LYPD6: variants seen among roughly 807,000 people sequenced by gnomAD.
The protein encoded by LYPD6 is ly6/PLAUR domain-containing protein 6.
LYPD6 carries 15 observed loss-of-function variants against 22.7 expected under a neutral mutation model. The ratio of observed to expected loss-of-function variants is 0.66; its 90% confidence interval spans 0.44 to 1.02. The LOEUF (loss-of-function observed/expected upper bound fraction) is 1.02. Among genes scored for constraint, LYPD6 ranks in the 50% least tolerant of loss-of-function variants. LYPD6 has a pLI of 0.00. For missense variants in LYPD6, 189 were observed against 208.4 expected, an observed-to-expected ratio of 0.91 and a Z score of 0.57; for synonymous variants, 72 against 77.5, an observed-to-expected ratio of 0.93 and a Z score of 0.37.
chr2:149,399,388 G>A (rs1350577298), intron 1 of LYPD6, among the ~76,000 whole-genome samples: 1 of 152,064 alleles, frequency 6.6e-6, no homozygotes, highest in Admixed American at 6.5e-5. Context: ...GGTATTTAAT[G>A]TCATAATAAA....
At chr2:149,481,119 C>T in the LYPD6 span, among the ~76,000 whole-genome samples, 1 of 152,136 alleles carries the variant, frequency 6.6e-6, no homozygotes, top group East Asian at 1.9e-4. Context: ...ATACATATTC[C>T]CAGCATGGAG....
intron 1 of LYPD6, among the ~76,000 whole-genome samples, chr2:149,432,087 A>C (rs534827240): frequency 6.6e-6 from 1 of 152,268 alleles, no homozygotes; most frequent in South Asian, 2.1e-4. Flanking sequence ...GATGGCTATA[A>C]TTTTTTTAAA....
intron 1 of LYPD6, among the ~76,000 whole-genome samples, chr2:149,395,095 A>C: frequency 6.6e-6 from 1 of 150,392 alleles, no homozygotes; most frequent in African/African-American, 2.5e-5. Flanking sequence ...GAGGTGGGAG[A>C]CCAACCATTT....
At chr2:149,415,030 C>G (rs1468720262) in intron 1 of LYPD6, among the ~76,000 whole-genome samples, 1 of 152,220 alleles carries the variant, frequency 6.6e-6, no homozygotes, top group East Asian at 1.9e-4. Context: ...GCAGAGCTAA[C>G]CTCACTAGCC....
At chr2:149,450,800 G>T (rs1221388228) in intron 3 of LYPD6, among the ~76,000 whole-genome samples, 1 of 152,166 alleles carries the variant, frequency 6.6e-6, no homozygotes, top group Non-Finnish European at 1.5e-5. Context: ...TGTTCCCAGC[G>T]ATTCATATTA....
intron 1 of LYPD6, among the ~76,000 whole-genome samples, chr2:149,392,828 A>G (rs1293958891): frequency 6.6e-6 from 1 of 152,148 alleles, no homozygotes; most frequent in African/African-American, 2.4e-5. Flanking sequence ...GTTCAAGACC[A>G]GCCTGACCAA....
intron 2 of LYPD6, among the ~76,000 whole-genome samples, chr2:149,442,954 A>G (rs1175400356): frequency 6.6e-6 from 1 of 152,128 alleles, no homozygotes; most frequent in African/African-American, 2.4e-5. Flanking sequence ...CTAAAAGAAA[A>G]CTCACCAAAA....
At chr2:149,348,060 A>C (rs34109726) in intron 1 of LYPD6, among the ~76,000 whole-genome samples, 35 of 116,276 alleles carry the variant, frequency 3.0e-4, no homozygotes, top group Non-Finnish European at 5.7e-4. Flanking sequence ...TACTAAAAAT[A>C]CAAAAAAAAA....
intron 1 of LYPD6, among the ~76,000 whole-genome samples, chr2:149,350,149 C>A (rs1681332559): frequency 6.6e-6 from 1 of 152,132 alleles, no homozygotes; most frequent in Admixed American, 6.5e-5. Context: ...TAAAAGAATA[C>A]AAAGGATGCC....
intron 3 of LYPD6, among the ~76,000 whole-genome samples, chr2:149,449,890 A>T (rs1260459649): frequency 6.6e-6 from 1 of 152,168 alleles, no homozygotes; most frequent in African/African-American, 2.4e-5. Context: ...TTCACTGCTG[A>T]TCTAATTCAG....
At chr2:149,443,351 C>A (rs143962303) in intron 2 of LYPD6, among the ~76,000 whole-genome samples, 177 of 152,278 alleles carry the variant, frequency 1.2e-3, no homozygotes, top group African/African-American at 4.1e-3. Context: ...ATTTTACTGG[C>A]TGCAGTGACA....
chr2:149,380,736 A>T (rs1350300628), intron 1 of LYPD6, among the ~76,000 whole-genome samples: 1 of 152,150 alleles, frequency 6.6e-6, no homozygotes, highest in Non-Finnish European at 1.5e-5. Context: ...TAGTTGAGAG[A>T]CATGAGCATA....
chr2:149,422,787 A>G (rs1274443128), intron 1 of LYPD6, among the ~76,000 whole-genome samples: 1 of 152,118 alleles, frequency 6.6e-6, no homozygotes, highest in South Asian at 2.1e-4. Context: ...CCTGACAAGC[A>G]TCATTCTACT....
intron 1 of LYPD6, among the ~76,000 whole-genome samples, chr2:149,422,260 G>A (rs1171215359): frequency 2.0e-5 from 3 of 152,150 alleles, no homozygotes; most frequent in Non-Finnish European, 4.4e-5. Context: ...TTTTGCAATT[G>A]AGGAAACTAA....
the LYPD6 span, among the ~76,000 whole-genome samples, chr2:149,482,727 C>T: frequency 1.4e-4 from 22 of 152,252 alleles, no homozygotes; most frequent in Middle Eastern, 6.8e-3. Flanking sequence ...GAGTTCTTCA[C>T]GTCTTTAAGC....
chr2:149,368,914 G>A (rs570243317), intron 1 of LYPD6, among the ~76,000 whole-genome samples: 5 of 152,106 alleles, frequency 3.3e-5, no homozygotes, highest in Non-Finnish European at 5.9e-5. Flanking sequence ...GGGGTGACTC[G>A]CCAGTCTACA....
At chr2:149,456,909 C>T (rs1680969966) in intron 3 of LYPD6, among the ~76,000 whole-genome samples, 1 of 152,162 alleles carries the variant, frequency 6.6e-6, no homozygotes, top group Admixed American at 6.5e-5. Context: ...TCTTTTGTAT[C>T]TGACTTCTTT....
chr2:149,418,382 G>A (rs1346208815), intron 1 of LYPD6, among the ~76,000 whole-genome samples: 4 of 151,880 alleles, frequency 2.6e-5, no homozygotes, highest in Admixed American at 1.3e-4. Context: ...TAATGTAGTA[G>A]CAAGGATGTT....
intron 2 of LYPD6, among the ~76,000 whole-genome samples, chr2:149,448,522 C>T (rs1683737323): frequency 6.6e-6 from 1 of 152,042 alleles, no homozygotes; most frequent in Non-Finnish European, 1.5e-5. Flanking sequence ...GCCTCAAACC[C>T]ACCTCTCTCC....
Sources: gnomAD v4.1 joint callset for allele counts (sites outside exome capture counted in the v4.1 genomes callset) on GRCh38, gnomAD v4.1.1 for gene constraint, MANE v1.5 for transcripts, NCBI Gene and HGNC (gene_info 2026-07-23, HGNC 2026-07-21) for gene names.